SPAG17: variants seen among roughly 807,000 people sequenced by gnomAD.
SPAG17 encodes the protein sperm-associated antigen 17.
A neutral mutation model predicts 273.6 loss-of-function variants in SPAG17; 169 were observed. That is an observed-to-expected ratio of 0.62 (90% CI 0.55 to 0.70). The LOEUF (loss-of-function observed/expected upper bound fraction) is 0.70, where lower values mean the gene tolerates loss of function less well. Ranked by LOEUF, SPAG17 falls within the 30% of genes least tolerant of loss-of-function variation. The pLI is 0.00. For synonymous variants in SPAG17, 825 were observed against 873.2 expected, an observed-to-expected ratio of 0.94 and a Z score of 0.97; for missense variants, 2,557 against 2,627.8, an observed-to-expected ratio of 0.97 and a Z score of 0.59.
intron 32 of SPAG17, among the ~76,000 whole-genome samples, chr1:117,999,685 G>T (rs1658055557): frequency 6.6e-6 from 1 of 151,942 alleles, no homozygotes; most frequent in Admixed American, 6.6e-5. Flanking sequence ...TTTTTTTCTT[G>T]TAAATTTGTT....
chr1:118,145,183 A>G (rs1338021671), intron 3 of SPAG17, among the ~76,000 whole-genome samples: 2 of 152,112 alleles, frequency 1.3e-5, no homozygotes, highest in East Asian at 1.9e-4. Flanking sequence ...ATTTGTACCT[A>G]TCTCTGAAGC....
chr1:118,070,358 C>G (rs1653455097), intron 17 of SPAG17, among the ~76,000 whole-genome samples: 1 of 152,128 alleles, frequency 6.6e-6, no homozygotes, highest in Non-Finnish European at 1.5e-5. Flanking sequence ...GAAAGTGGCA[C>G]TGAAAATAGG....
At chr1:118,120,084 T>C (rs1657333481) in intron 3 of SPAG17, among the ~76,000 whole-genome samples, 1 of 152,264 alleles carries the variant, frequency 6.6e-6, no homozygotes, top group Admixed American at 6.5e-5. Flanking sequence ...AGTAGCATTT[T>C]TGTTCCCACC....
intron 42 of SPAG17, 93 bp downstream of exon 42, chr1:117,983,718 T>A: frequency 1.4e-6 from 1 of 718,530 alleles, no homozygotes; most frequent in Non-Finnish European, 2.3e-6. Flanking sequence ...GGCTATGTCA[T>A]CAGCTATCAC....
At chr1:118,097,376 C>T (rs943021465) in intron 7 of SPAG17, among the ~76,000 whole-genome samples, 4 of 152,168 alleles carry the variant, frequency 2.6e-5, no homozygotes, top group African/African-American at 9.7e-5. Context: ...CTGTCTAGAA[C>T]ATTGTTGAGT....
chr1:118,115,410 C>G lies in SPAG17; in HGVS notation c.347G>C (p.Ser116Thr), dbSNP rs1411000052. 2 of 1,613,502 alleles carry G rather than the reference C, an allele frequency of 1.2e-6. No individual in the cohort carries two copies. The highest frequency in any genetic ancestry group is 2.7e-5 in the African/African-American group (2 of 74,872). ...VLTAAKAIMD[S>T]GEKLTLPLIG... is the part of the protein sequence containing the mutation. Reference sequence around the variant, plus strand: ...CAGTGGTAAGGTTAATTTCTCTCCACTATCCATAATTGCTTTTGCTGCCGT... The same window carrying G: ...CAGTGGTAAGGTTAATTTCTCTCCAGTATCCATAATTGCTTTTGCTGCCGT... Residue 116 changes from serine to threonine, a missense_variant, in exon 4 of 49, where the codon AGT (serine) becomes ACT (threonine). Coordinates refer to ENST00000336338, the MANE Select transcript of SPAG17 (RefSeq NM_206996.4).
intron 17 of SPAG17, 32 bp downstream of exon 17, chr1:118,073,822 C>A: frequency 6.9e-7 from 1 of 1,458,188 alleles, no homozygotes; most frequent in Non-Finnish European, 9.4e-7. Flanking sequence ...ACCTATCTGA[C>A]CGTCTCCTAG....
intron 1 of SPAG17, among the ~76,000 whole-genome samples, chr1:118,178,111 C>T (rs1174252875): frequency 6.6e-6 from 1 of 152,030 alleles, no homozygotes; most frequent in Non-Finnish European, 1.5e-5. Context: ...AAAGAAACAA[C>T]AACGTAAAAG....
At chr1:118,014,808 G>T (rs1341032807) in intron 29 of SPAG17, among the ~76,000 whole-genome samples, 1 of 152,172 alleles carries the variant, frequency 6.6e-6, no homozygotes, top group African/African-American at 2.4e-5. Flanking sequence ...AATAGCTAAG[G>T]AATGGAAAGA....
intron 21 of SPAG17, among the ~76,000 whole-genome samples, chr1:118,041,251 C>T (rs1173583637): frequency 3.9e-5 from 6 of 151,928 alleles, no homozygotes; most frequent in Admixed American, 3.9e-4. Flanking sequence ...TAACAGAGGT[C>T]CAGGGGATTT....
intron 3 of SPAG17, among the ~76,000 whole-genome samples, chr1:118,125,775 T>C (rs750456349): frequency 5.3e-5 from 8 of 152,222 alleles, no homozygotes; most frequent in African/African-American, 9.6e-5. Context: ...CATTCATCTG[T>C]TGACAGACAC....
At position 118,073,975 on chromosome 1, in the gene SPAG17, AT is replaced by A; in HGVS notation, c.2272-9del. 6.5e-7 allele frequency: 1 copy of A among 1,534,472 alleles called. No individual in the cohort carries two copies. The highest frequency in any genetic ancestry group is 8.7e-7 in the Non-Finnish European group (1 of 1,147,802). Reference sequence around the variant, plus strand: ...CATCATCTTCTTGGGTTTCTAAAATATCATAGGAACACAATTTCAGCTTTAA... The same window carrying A: ...CATCATCTTCTTGGGTTTCTAAAATACATAGGAACACAATTTCAGCTTTAA... On this transcript the variant is annotated splice_polypyrimidine_tract_variant and intron_variant, in intron 16 of 48. Transcript: ENST00000336338.
At chr1:118,150,090 G>C (rs1158101879) in intron 3 of SPAG17, among the ~76,000 whole-genome samples, 1 of 152,146 alleles carries the variant, frequency 6.6e-6, no homozygotes, top group Non-Finnish European at 1.5e-5. Context: ...CAAACTGATG[G>C]AAAATCACTG....
chr1:118,101,007 T>C (rs531124383), intron 5 of SPAG17, among the ~76,000 whole-genome samples: 1 of 152,300 alleles, frequency 6.6e-6, no homozygotes, highest in South Asian at 2.1e-4. Context: ...ATGTCTGACT[T>C]TCCTATATGT....
rs1489910628 is a variant in SPAG17 at position 118,115,294 on chromosome 1, C to T, written c.447+16G>A. 11 of 1,611,066 alleles carry T rather than the reference C, an allele frequency of 6.8e-6. No individual in the cohort carries two copies. The highest frequency in any genetic ancestry group is 6.8e-6 in the Non-Finnish European group (8 of 1,178,372). On this transcript the variant is annotated intron_variant, in intron 4 of 48. Transcript: ENST00000336338. ...CCACTTGCCCTCTTTAGAAAACCCA[C>T]CAGATCGTACAGTACCTTCTTTTCA...
At chr1:118,033,087 T>G (rs1416876686) in intron 24 of SPAG17, among the ~76,000 whole-genome samples, 1 of 152,214 alleles carries the variant, frequency 6.6e-6, no homozygotes, top group Non-Finnish European at 1.5e-5. Context: ...CAGCCAGGGC[T>G]GAGCAACTCT....
At chr1:118,039,500 C>A in intron 22 of SPAG17, 56 bp from the exon 23 acceptor site, 1 of 1,556,520 alleles carries the variant, frequency 6.4e-7, no homozygotes, top group East Asian at 2.2e-5. Context: ...CATTAAGCTC[C>A]TCGACAAGAT....
rs1659987930 is a variant in SPAG17, at chr1:118,162,673, A to C, written c.88-11304T>G. Among the ~76,000 whole-genome samples, 4 of 152,206 alleles carry C rather than the reference A, an allele frequency of 2.6e-5. No individual in the cohort carries two copies. The South Asian group carries it at 8.3e-4, about 31-fold the overall frequency. ...TTTACTACGTGGGTACCTACGTTGC[A>C]TGTGCTGCCCTAGAAATGAAGGATG... On this transcript the variant is annotated intron_variant, in intron 1 of 48. Transcript: ENST00000336338.
intron 16 of SPAG17, 25 bp downstream of exon 16, chr1:118,074,514 C>T (rs763623915): frequency 4.4e-6 from 7 of 1,596,258 alleles, no homozygotes; most frequent in East Asian, 2.2e-5. Context: ...TTGTCATCTA[C>T]ATTTTCAGAA....
Sources: allele counts gnomAD v4.1 joint callset (sites outside exome capture counted in the v4.1 genomes callset), GRCh38; gene constraint gnomAD v4.1.1; transcripts MANE v1.5; gene names NCBI Gene and HGNC (gene_info 2026-07-23, HGNC 2026-07-21).